CFAP58: variants seen among roughly 807,000 people sequenced by gnomAD.
The protein encoded by CFAP58 is cilia- and flagella-associated protein 58.
In CFAP58, 88 loss-of-function variants were observed where a neutral mutation model predicts 119.5. That is an observed-to-expected ratio of 0.74 (90% CI 0.62 to 0.88). CFAP58 has a LOEUF of 0.88. Ranked by LOEUF, CFAP58 falls within the 40% of genes least tolerant of loss-of-function variation. The pLI, the probability that CFAP58 is intolerant of heterozygous loss-of-function variation, is 0.00. For synonymous variants in CFAP58, 365 were observed against 366.3 expected (o/e 1.00, Z 0.04); for missense variants, 990 against 1,021.2 (o/e 0.97, Z 0.42).
At chr10:104,345,436 C>T in the CFAP58 span, among the ~76,000 whole-genome samples, 1 of 152,072 alleles carries the variant, frequency 6.6e-6, no homozygotes, top group Non-Finnish European at 1.5e-5. Context: ...CTTAAATGTT[C>T]GTGTACTGAT....
At chr10:104,450,343 A>G in intron 17 of CFAP58, 139 bp downstream of exon 17, 1 of 880,972 alleles carries the variant, frequency 1.1e-6, no homozygotes, top group Non-Finnish European at 1.8e-6. Context: ...TCTACAGGTC[A>G]CTAAGTTTGT....
intron 9 of CFAP58, among the ~76,000 whole-genome samples, chr10:104,381,655 C>G (rs559681582): frequency 6.6e-6 from 1 of 151,618 alleles, no homozygotes; most frequent in African/African-American, 2.4e-5. Context: ...AAGAAGGTGA[C>G]AAGGGACAGC....
chr10:104,418,423 C>T (rs1308415091), intron 15 of CFAP58, among the ~76,000 whole-genome samples: 1 of 152,184 alleles, frequency 6.6e-6, no homozygotes, highest in Non-Finnish European at 1.5e-5. Context: ...TGGCAGGTGC[C>T]TGTAGTCCCA....
At chr10:104,409,876 A>C (rs202084312) in intron 15 of CFAP58, among the ~76,000 whole-genome samples, 1 of 130,470 alleles carries the variant, frequency 7.7e-6, no homozygotes, top group Non-Finnish European at 1.6e-5. Context: ...CTTTGTGTTT[A>C]GTTTGTTTAT....
rs767881945 is a variant in CFAP58 at position 104,353,872 on chromosome 10, T to C, written c.-26T>C. On this transcript the variant is annotated 5_prime_UTR_variant, in exon 1 of 18. Transcript: ENST00000369704. ...CTCCTGCGATCTCCACAGCAGCCTC[T>C]GAGGCCGCCCCCAGAGAGCATCAGG... 2.5e-6 allele frequency: 4 copies of C among 1,611,770 alleles called. No homozygotes were observed. Among genetic ancestry groups the C allele is most frequent in the East Asian group, 2.2e-5 (1 of 44,848 alleles).
At chr10:104,379,002 T>A (rs1365440892) in intron 8 of CFAP58, among the ~76,000 whole-genome samples, 2 of 151,510 alleles carry the variant, frequency 1.3e-5, no homozygotes, top group Non-Finnish European at 2.9e-5. Flanking sequence ...ATCTGCATTT[T>A]TAAAAAACTG....
intron 5 of CFAP58, 23 bp from the exon 6 acceptor site, chr10:104,368,400 C>T: frequency 3.1e-6 from 5 of 1,612,184 alleles, no homozygotes; most frequent in Non-Finnish European, 4.2e-6. Flanking sequence ...AAAGCATTAA[C>T]CAGCTCATTC....
intron 1 of CFAP58, among the ~76,000 whole-genome samples, chr10:104,357,922 TACACATATAC>T (rs1481078476): frequency 0.047 from 5,261 of 112,762 alleles, 261 homozygotes; most frequent in African/African-American, 0.095. Context: ...CACATATATG[TACACATATAC>T]ACACATATAT....
At chr10:104,384,192 G>A (rs1225261860) in intron 9 of CFAP58, among the ~76,000 whole-genome samples, 2 of 152,192 alleles carry the variant, frequency 1.3e-5, no homozygotes, top group East Asian at 3.8e-4. Context: ...AAAATTATTT[G>A]TAGAGTTTGT....
At chr10:104,449,853 T>G (rs1243267621) in intron 16 of CFAP58, among the ~76,000 whole-genome samples, 1 of 152,190 alleles carries the variant, frequency 6.6e-6, no homozygotes, top group Admixed American at 6.5e-5. Context: ...GGGAATGATA[T>G]TTTGTTTAAA....
intron 7 of CFAP58, among the ~76,000 whole-genome samples, chr10:104,376,585 G>A (rs1396407954): frequency 6.6e-6 from 1 of 151,524 alleles, no homozygotes; most frequent in Non-Finnish European, 1.5e-5. Flanking sequence ...GTTGGCTTCA[G>A]ACTTTTGGCA....
At chr10:104,414,598 G>A (rs1220552423) in intron 15 of CFAP58, among the ~76,000 whole-genome samples, 1 of 148,628 alleles carries the variant, frequency 6.7e-6, no homozygotes, top group Admixed American at 6.6e-5. Flanking sequence ...AGGGTGGGTG[G>A]GCTTCAGGGA....
At chr10:104,400,649 C>T (rs1462551035) in intron 12 of CFAP58, 31 bp from the exon 13 acceptor site, 4 of 1,577,310 alleles carry the variant, frequency 2.5e-6, no homozygotes, top group Non-Finnish European at 3.5e-6. Context: ...TCCTCCTTCC[C>T]TGGTGACTAT....
intron 15 of CFAP58, among the ~76,000 whole-genome samples, chr10:104,419,428 C>A (rs1194260687): frequency 6.6e-6 from 1 of 152,080 alleles, no homozygotes; most frequent in Non-Finnish European, 1.5e-5. Flanking sequence ...AAATGCTGAT[C>A]TGAGGGCCAG....
the CFAP58 span, among the ~76,000 whole-genome samples, chr10:104,346,702 C>A: frequency 1.2e-4 from 17 of 137,628 alleles, no homozygotes; most frequent in African/African-American, 4.5e-4. Flanking sequence ...GTGGTGCGAT[C>A]TTGGCTCACT....
At chr10:104,419,427 T>C (rs2012617230) in intron 15 of CFAP58, among the ~76,000 whole-genome samples, 1 of 152,166 alleles carries the variant, frequency 6.6e-6, no homozygotes, top group South Asian at 2.1e-4. Context: ...CAAATGCTGA[T>C]CTGAGGGCCA....
At chr10:104,453,761 A>AGTGTGTGTGTGTGTGTGT (rs56666132) in intron 17 of CFAP58, among the ~76,000 whole-genome samples, 68 of 138,926 alleles carry the variant, frequency 4.9e-4, no homozygotes, top group African/African-American at 1.6e-3. Flanking sequence ...CATGAATATG[A>AGTGTGTGTGTGTGTGTGT]GTGTGTGTGT....
At chr10:104,449,739 G>A (rs1286073329) in intron 16 of CFAP58, among the ~76,000 whole-genome samples, 1 of 152,064 alleles carries the variant, frequency 6.6e-6, no homozygotes, top group Non-Finnish European at 1.5e-5. Flanking sequence ...TAGACTGTGT[G>A]TCTGGGAGTT....
rs556890117 is a variant in CFAP58, at chr10:104,361,015, G to T, written c.292-1008G>T. Among the ~76,000 whole-genome samples the T allele has an allele frequency of 2.6e-5, 4 of 152,232 alleles. No homozygotes were observed. The East Asian group carries it at 7.7e-4, about 29-fold the overall frequency. ...ATCACAAGGACAGTACCAAGAGGAT[G>T]GTGCTAAACCATTCATGAGAAATCC... is the stretch of plus-strand genomic sequence containing the variant. On this transcript the variant is annotated intron_variant, in intron 2 of 17. Transcript: ENST00000369704.
Sources: allele counts gnomAD v4.1 joint callset (sites outside exome capture counted in the v4.1 genomes callset), GRCh38; gene constraint gnomAD v4.1.1; transcripts MANE v1.5; gene names NCBI Gene and HGNC (gene_info 2026-07-23, HGNC 2026-07-21).